The following LRSAM1 variants were observed in gnomAD, a reference collection of about 807,000 sequenced individuals.
LRSAM1 encodes the protein leucine rich repeat and sterile alpha motif containing 1, also known as E3 ubiquitin-protein ligase LRSAM1.
A neutral mutation model predicts 118.1 loss-of-function variants in LRSAM1; 96 were observed. The observed-to-expected ratio is 0.81, with a 90% CI of 0.69 to 0.96. The LOEUF is 0.96. Ranked by LOEUF, LRSAM1 falls within the 40% of genes least tolerant of loss-of-function variation. The pLI is 0.00. For synonymous variants in LRSAM1, 322 were observed against 364.2 expected (o/e 0.88, Z 1.32); for missense variants, 804 against 915.5 (o/e 0.88, Z 1.57).
intron 4 of LRSAM1, among the ~76,000 whole-genome samples, 172 bp downstream of exon 4, chr9:127,455,226 G>A (rs1834472341): frequency 6.6e-6 from 1 of 152,052 alleles, no homozygotes; most frequent in Non-Finnish European, 1.5e-5. Context: ...TGATCCTTTG[G>A]CCTCAATATA....
At chr9:127,466,235 G>T (rs1196487135) in intron 9 of LRSAM1, among the ~76,000 whole-genome samples, 1 of 151,694 alleles carries the variant, frequency 6.6e-6, no homozygotes, top group Non-Finnish European at 1.5e-5. Context: ...CTTGAACTGG[G>T]GAGGCAAAGG....
intron 25 of LRSAM1, 52 bp from the exon 26 acceptor site, chr9:127,502,722 G>A: frequency 6.4e-7 from 1 of 1,570,626 alleles, no homozygotes; most frequent in South Asian, 1.1e-5. Flanking sequence ...ACGGGCCTGG[G>A]ACTCCTGGAA....
chr9:127,454,971 C>T, intron 3 of LRSAM1, 27 bp from the exon 4 acceptor site: 1 of 1,611,876 alleles, frequency 6.2e-7, no homozygotes, highest in Non-Finnish European at 8.5e-7. Context: ...TGTCTTAATA[C>T]TTTTTAAAAA....
chr9:127,491,932 C>T (rs545585528), intron 20 of LRSAM1, among the ~76,000 whole-genome samples: 4 of 152,322 alleles, frequency 2.6e-5, no homozygotes, highest in East Asian at 1.9e-4. Flanking sequence ...CAGCTGCAGA[C>T]GGAGGGCTGG....
At chr9:127,466,202 G>A (rs868485620) in intron 9 of LRSAM1, among the ~76,000 whole-genome samples, 3 of 151,812 alleles carry the variant, frequency 2.0e-5, no homozygotes, top group South Asian at 2.1e-4. Context: ...CCAGCTACTC[G>A]GGAGGCTGAG....
Position 127,501,034 on chromosome 9 carries a change from T to C in LRSAM1, c.1937T>C (p.Val646Ala). The C allele has an allele frequency of 1.2e-6, 2 of 1,613,622 alleles. No homozygotes were observed. Among genetic ancestry groups the C allele is most frequent in the Non-Finnish European group, 8.5e-7 (1 of 1,179,932 alleles). ...QPELKPPMGEVVTPTAPQEPP... is the reference protein window; with the variant it reads ...QPELKPPMGEAVTPTAPQEPP... ...GAGCTGAAACCACCAATGGGTGAGG[T>C]CGTCACCCCTACGGCCCCCCAGGAG... Residue 646 changes from valine to alanine, a missense_variant, in exon 25 of 26, where the codon GTC (valine) becomes GCC (alanine). Coordinates refer to ENST00000300417, the MANE Select transcript of LRSAM1 (RefSeq NM_001005373.4).
At position 127,462,234 on chromosome 9, in the gene LRSAM1, C is replaced by T. The variant is rs1834774552; in HGVS notation, c.407-18C>T. 1 of 1,613,820 alleles carries T rather than the reference C, an allele frequency of 6.2e-7. No individual in the cohort carries two copies. The highest frequency in any genetic ancestry group is 2.2e-5 in the East Asian group (1 of 44,868). ...TGGGGATTTGGGGTGTTGAGCTGTG[C>T]TATTGGGGTCTCTGCAGACAACAAG... is the stretch of plus-strand genomic sequence containing the variant. On this transcript the variant is annotated intron_variant, in intron 8 of 25. Coordinates refer to ENST00000300417, the MANE Select transcript of LRSAM1 (RefSeq NM_001005373.4).
At chr9:127,482,876 G>C in intron 15 of LRSAM1, 74 bp from the exon 16 acceptor site, 1 of 1,391,950 alleles carries the variant, frequency 7.2e-7, no homozygotes, top group East Asian at 2.5e-5. Context: ...TCCTGGAGGA[G>C]GTGGTGTTCA....
In LRSAM1 at chr9:127,497,344, C is replaced by A; in HGVS notation, c.1912+10C>A. 2.5e-6 allele frequency: 4 copies of A among 1,609,958 alleles called. No homozygotes were observed. Among genetic ancestry groups the A allele is most frequent in the Non-Finnish European group, 3.4e-6 (4 of 1,179,136 alleles). On this transcript the variant is annotated intron_variant, in intron 24 of 25. Transcript: ENST00000300417. ...GCCAGGATCCAGCCAGGTACAAGCA[C>A]AGCTCCAGCCTCTTCCAGGCAGGGC...
chr9:127,473,340 A>C (rs990713572), intron 10 of LRSAM1, among the ~76,000 whole-genome samples: 1 of 152,270 alleles, frequency 6.6e-6, no homozygotes, highest in African/African-American at 2.4e-5. Flanking sequence ...ATATATAAAG[A>C]GCACCTACAA....
At chr9:127,499,470 G>A (rs985566918) in intron 24 of LRSAM1, among the ~76,000 whole-genome samples, 1 of 151,918 alleles carries the variant, frequency 6.6e-6, no homozygotes, top group Non-Finnish European at 1.5e-5. Context: ...GGTTGAGGCT[G>A]CAGTGAGCTG....
Position 127,501,113 on chromosome 9 carries a change from C to G in LRSAM1, c.2016C>G (p.Ala672=), listed in dbSNP as rs1229154466. The change falls in exon 25 of 26, where the codon GCC becomes GCG. Residue 672 remains alanine, a synonymous_variant. Coordinates refer to ENST00000300417, the MANE Select transcript of LRSAM1 (RefSeq NM_001005373.4). ...CCCCTGCAGAGCTGGAGGTGCAGGC[C>G]TCAGAGTGTGTCGTGTGCCTGGAAC... ...SAPPAELEVQ[A]SECVVCLERE... 1 of 1,613,692 alleles carries G rather than the reference C, an allele frequency of 6.2e-7. No homozygotes were observed. The highest frequency in any genetic ancestry group is 8.5e-7 in the Non-Finnish European group (1 of 1,180,028).
chr9:127,459,910 A>G (rs1244846245), intron 7 of LRSAM1, among the ~76,000 whole-genome samples: 2 of 152,160 alleles, frequency 1.3e-5, no homozygotes, highest in Non-Finnish European at 2.9e-5. Flanking sequence ...TAACTTTTGG[A>G]TACCTGACAA....
chr9:127,466,791 G>C (rs2132027931), intron 9 of LRSAM1, among the ~76,000 whole-genome samples: 1 of 151,916 alleles, frequency 6.6e-6, no homozygotes, highest in South Asian at 2.1e-4. Flanking sequence ...CGAATTGCTT[G>C]GGCCCAAGAC....
At chr9:127,482,044 T>C (rs1403259094) in intron 15 of LRSAM1, among the ~76,000 whole-genome samples, 1 of 152,114 alleles carries the variant, frequency 6.6e-6, no homozygotes, top group Non-Finnish European at 1.5e-5. Context: ...AGCCATTAAA[T>C]GTCTTATTGA....
rs755434238 is a variant in LRSAM1 at position 127,479,978 on chromosome 9, G to A, written c.1043G>A (p.Arg348Lys). The change falls in exon 14 of 26, where the codon AGA becomes AAA. Residue 348 changes from arginine to lysine, a missense_variant and splice_region_variant. Transcript: ENST00000300417. ...RIQKLLQDNQ[R>K]QKKSSEILKS... is the part of the protein sequence containing the mutation. Reference sequence around the variant, plus strand: ...CAGAAGCTGCTGCAGGACAATCAGAGGTTGGGCTCTGCTCCTCGGCCCCAG... The same window carrying A: ...CAGAAGCTGCTGCAGGACAATCAGAAGTTGGGCTCTGCTCCTCGGCCCCAG... 1 of 1,614,184 alleles carries A rather than the reference G, an allele frequency of 6.2e-7. No homozygotes were observed. Among genetic ancestry groups the A allele is most frequent in the South Asian group, 1.1e-5 (1 of 91,086 alleles).
chr9:127,487,514 C>G lies in LRSAM1; in HGVS notation c.1260-162C>G, dbSNP rs1835775706. On this transcript the variant is annotated intron_variant, in intron 17 of 25. Transcript: ENST00000300417. ...CTCCAGGCCATGGGATTCAGACAGACTCAGTGTCTGTGGCCCACCCAGGGC... is the reference window on the plus strand; with the variant it reads ...CTCCAGGCCATGGGATTCAGACAGAGTCAGTGTCTGTGGCCCACCCAGGGC... 6.2e-6 allele frequency: 4 copies of G among 647,818 alleles called. No individual in the cohort carries two copies. The Admixed American group carries it at 8.5e-5, about 14-fold the overall frequency. 40.1% of individuals were successfully genotyped at this position (647,818 alleles called of 1,614,324 possible).
intron 7 of LRSAM1, among the ~76,000 whole-genome samples, chr9:127,460,687 C>A (rs1261291784): frequency 6.6e-6 from 1 of 152,094 alleles, no homozygotes; most frequent in Non-Finnish European, 1.5e-5. Context: ...TTCCTGTCTC[C>A]AGCGGAAACA....
At chr9:127,460,947 C>T (rs1023686884) in intron 7 of LRSAM1, among the ~76,000 whole-genome samples, 1 of 149,264 alleles carries the variant, frequency 6.7e-6, no homozygotes, top group Admixed American at 6.7e-5. Context: ...CCTCTGCCTC[C>T]TGGGTTCAAG....
Sources: allele counts gnomAD v4.1 joint callset (sites outside exome capture counted in the v4.1 genomes callset), GRCh38; gene constraint gnomAD v4.1.1; transcripts MANE v1.5; gene names NCBI Gene and HGNC (gene_info 2026-07-23, HGNC 2026-07-21).